Variants in ANGPTL1 observed in about 807,000 individuals in gnomAD.
The protein encoded by ANGPTL1 is angiopoietin like 1, also known as angiopoietin-related protein 1.
Under a neutral mutation model 46.7 loss-of-function variants are expected in ANGPTL1, and 36 were observed. The observed-to-expected ratio is 0.77, with a 90% confidence interval of 0.59 to 1.02. The LOEUF is 1.02. Among genes scored for constraint, ANGPTL1 ranks in the 50% least tolerant of loss-of-function variants. The probability of loss-of-function intolerance (pLI) is 0.00; values close to 1 mark genes in which losing one functional copy is unlikely to be tolerated. For missense variants in ANGPTL1, 571 were observed against 594.7 expected (o/e 0.96, Z 0.41); for synonymous variants, 221 against 204.3 (o/e 1.08, Z -0.69).
Position 178,861,260 on chromosome 1 carries a change from A to C in ANGPTL1, c.823+3694T>G, listed in dbSNP as rs78038423. On this transcript the variant is annotated intron_variant, in intron 3 of 5. Coordinates refer to ENST00000234816, the MANE Select transcript of ANGPTL1 (RefSeq NM_004673.4). ...GAGATCCACATTTATAGAATAAAAT[A>C]AGTAAAAAGTTAATGTTTACATAAA... 3.1e-3 allele frequency among the ~76,000 whole-genome samples: 467 copies of C among 152,346 alleles called. 4 individuals carry two copies. The highest frequency in any genetic ancestry group is 0.01 in the African/African-American group (433 of 41,584).
intron 3 of ANGPTL1, among the ~76,000 whole-genome samples, chr1:178,859,688 C>T (rs1657831797): frequency 7.2e-6 from 1 of 138,898 alleles, no homozygotes; most frequent in Non-Finnish European, 1.5e-5. Flanking sequence ...ACATCATACA[C>T]GAAGCACTTT....
At chr1:178,853,816 CA>C (rs1252824253) in intron 3 of ANGPTL1, 29 bp from the exon 4 acceptor site, 1 of 1,506,668 alleles carries the variant, frequency 6.6e-7, no homozygotes, top group Admixed American at 2.3e-5. Flanking sequence ...TTATTATCAG[CA>C]AACTTAATAT....
intron 3 of ANGPTL1, among the ~76,000 whole-genome samples, chr1:178,856,837 C>T (rs1345312499): frequency 6.6e-6 from 1 of 151,938 alleles, no homozygotes; most frequent in Admixed American, 6.6e-5. Flanking sequence ...TACTGAAAAA[C>T]CTCATGTTCT....
At chr1:178,856,202 G>GAGAGATATATATATATATATATATATAT (rs1428022812) in intron 3 of ANGPTL1, among the ~76,000 whole-genome samples, 4 of 83,906 alleles carry the variant, frequency 4.8e-5, no homozygotes, top group African/African-American at 2.6e-4. Flanking sequence ...GAGAGAGAGA[G>GAGAGATATATATATATATATATATATAT]ATATATATAT....
intron 3 of ANGPTL1, among the ~76,000 whole-genome samples, chr1:178,857,624 CAT>C (rs766027110): frequency 5.9e-5 from 9 of 152,082 alleles, no homozygotes; most frequent in Non-Finnish European, 1.3e-4. Context: ...TTTGTTACAA[CAT>C]ATATATATTT....
rs1241997372 is a variant in ANGPTL1 at position 178,865,069 on chromosome 1, A to G, written c.708T>C (p.Gly236=). ...SQQYTPGLLG[G]NEIQRDPGYP... ...AACCTGGATCCCTCTGAATCTCGTT[A>G]CCTCCCAGCAGACCAGGAGTATACT... Residue 236 remains glycine, a synonymous_variant, in exon 3 of 6, where the codon GGT becomes GGC. Coordinates refer to ENST00000234816, the MANE Select transcript of ANGPTL1 (RefSeq NM_004673.4). 1.3e-6 allele frequency: 2 copies of G among 1,516,130 alleles called. No homozygotes were observed. Among genetic ancestry groups the G allele is most frequent in the Non-Finnish European group, 1.8e-6 (2 of 1,132,578 alleles). The allele number at this position is 1,516,130 out of a possible 1,614,324, so 93.9% of individuals were successfully genotyped here.
Position 178,851,283 on chromosome 1 carries a change from C to T in ANGPTL1, c.1322G>A (p.Trp441Ter). The T allele has an allele frequency of 6.2e-7, 1 of 1,611,498 alleles. No individual in the cohort carries two copies. The highest frequency in any genetic ancestry group is 8.5e-7 in the Non-Finnish European group (1 of 1,179,180). Residue 441 changes from tryptophan (W) to a stop codon, truncating the protein, a stop_gained, in exon 6 of 6, where the codon TGG becomes TAG. Coordinates refer to ENST00000234816, the MANE Select transcript of ANGPTL1 (RefSeq NM_004673.4). LOFTEE classifies it high-confidence loss of function. ...NCAHFHKGGW[W>*]YNACAHSNLN... ...GTTAGAATGTGCACAGGCATTGTAC[C>T]ACCAGCCTCCTTTATGAAAGTGGGC...
chr1:178,856,057 A>G (rs1326802280), intron 3 of ANGPTL1, among the ~76,000 whole-genome samples: 1 of 149,356 alleles, frequency 6.7e-6, no homozygotes, highest in East Asian at 1.9e-4. Flanking sequence ...ATATTTTACT[A>G]GAAATATGTG....
intron 3 of ANGPTL1, among the ~76,000 whole-genome samples, chr1:178,861,167 T>C (rs1256500384): frequency 6.6e-6 from 1 of 152,226 alleles, no homozygotes; most frequent in African/African-American, 2.4e-5. Flanking sequence ...CTTTCCCTTA[T>C]ATGTTCATTA....
intron 3 of ANGPTL1, among the ~76,000 whole-genome samples, chr1:178,860,906 C>A (rs1337379305): frequency 6.6e-6 from 1 of 152,068 alleles, no homozygotes; most frequent in Non-Finnish European, 1.5e-5. Context: ...ACATTTTTTT[C>A]CAGACAGATG....
chr1:178,865,364 A>G lies in ANGPTL1; in HGVS notation c.413T>C (p.Leu138Ser). The G allele has an allele frequency of 6.2e-7, 1 of 1,614,156 alleles. No individual in the cohort carries two copies. Among genetic ancestry groups the G allele is most frequent in the South Asian group, 1.1e-5 (1 of 91,076 alleles). The change falls in exon 3 of 6, where the codon TTA becomes TCA. Residue 138 changes from leucine (L) to serine (S), a missense_variant. Physicochemically the swap from Leu to Ser is moderately radical, Grantham distance 145. Transcript: ENST00000234816. Reference sequence around the variant, plus strand: ...ATCCCTCTTACGGATAATCTCATGTAATAATTGCATATAGAGTTGAGTAAC... The same window carrying G: ...ATCCCTCTTACGGATAATCTCATGTGATAATTGCATATAGAGTTGAGTAAC... ...SRVTQLYMQL[L>S]HEIIRKRDNS...
rs777569034 is a variant in ANGPTL1, at chr1:178,853,735, C to G, written c.876G>C (p.Gly292=). The G allele has an allele frequency of 1.2e-6, 2 of 1,605,910 alleles. No homozygotes were observed. Among genetic ancestry groups the G allele is most frequent in the East Asian group, 4.5e-5 (2 of 44,296 alleles). ...QAKEAGHSVS[G]IYMIKPENSN... is the part of the protein sequence containing the mutation. ...TGTTTTCAGGTTTAATCATATAAAT[C>G]CCACTGACCGAATGCCCAGCTTCTT... is the stretch of plus-strand genomic sequence containing the variant. The change falls in exon 4 of 6, where the codon GGG becomes GGC. Residue 292 remains glycine (G), a synonymous_variant. Transcript: ENST00000234816.
In ANGPTL1 at chr1:178,857,932, G is replaced by T. The variant is rs186587165; in HGVS notation, c.824-4145C>A. 7.2e-5 allele frequency among the ~76,000 whole-genome samples: 11 copies of T among 152,234 alleles called. No individual in the cohort carries two copies. The East Asian group carries it at 2.1e-3, about 29-fold the overall frequency. On this transcript the variant is annotated intron_variant, in intron 3 of 5. Coordinates refer to ENST00000234816, the MANE Select transcript of ANGPTL1 (RefSeq NM_004673.4). ...TCAGATGTTTAAAGCAAAATAGAGA[G>T]TTCTGGTTTTCTGAATCCAGCTTTG...
intron 3 of ANGPTL1, among the ~76,000 whole-genome samples, chr1:178,861,530 A>G (rs1316467164): frequency 6.6e-6 from 1 of 152,052 alleles, no homozygotes; most frequent in African/African-American, 2.4e-5. Flanking sequence ...ATTTTCTTAG[A>G]AAAGTTTGTC....
At chr1:178,856,198 G>GATAGAT (rs1232946834) in intron 3 of ANGPTL1, among the ~76,000 whole-genome samples, 1 of 47,268 alleles carries the variant, frequency 2.1e-5, no homozygotes, top group African/African-American at 6.2e-5. Flanking sequence ...TCCAGAGAGA[G>GATAGAT]AGAGATATAT....
rs987518400 is a variant in ANGPTL1, at chr1:178,850,667, A to G, written c.*462T>C. The G allele has an allele frequency of 4.6e-5, 7 of 152,600 alleles. No individual in the cohort carries two copies. Among genetic ancestry groups the G allele is most frequent in the East Asian group, 1.9e-4 (1 of 5,192 alleles). 9.5% of individuals were successfully genotyped at this position (152,600 alleles called of 1,614,324 possible). A position where few individuals can be genotyped will look rare whatever the true frequency, so the allele number is the denominator to read the frequency against. On this transcript the variant is annotated 3_prime_UTR_variant, in exon 6 of 6. Coordinates refer to ENST00000234816, the MANE Select transcript of ANGPTL1 (RefSeq NM_004673.4). ...TTATTCAATGGAAGAAGCATTTTCTATTGGCAAAACTAGAGGTTTCTCCCT... is the reference window on the plus strand; with the variant it reads ...TTATTCAATGGAAGAAGCATTTTCTGTTGGCAAAACTAGAGGTTTCTCCCT...
chr1:178,863,602 T>C (rs1237907361), intron 3 of ANGPTL1, among the ~76,000 whole-genome samples: 1 of 152,132 alleles, frequency 6.6e-6, no homozygotes, highest in Non-Finnish European at 1.5e-5. Flanking sequence ...TGTGAGGTAA[T>C]GGTGAAATAT....
chr1:178,854,248 C>G (rs1657380564), intron 3 of ANGPTL1, among the ~76,000 whole-genome samples: 1 of 152,084 alleles, frequency 6.6e-6, no homozygotes, highest in Non-Finnish European at 1.5e-5. Flanking sequence ...AGGGATCGAT[C>G]TACTGGATCA....
Position 178,870,985 on chromosome 1 carries a change from TA to T in ANGPTL1, c.-382del, listed in dbSNP as rs1658722599. ...GAAGTTCTGGTCTGTGGGCCGTCTT[TA>T]ATCCAGCAGAGAAAGCGTTGTGGCT... On this transcript the variant is annotated 5_prime_UTR_variant, in exon 1 of 6. It introduces an in-frame stop codon into an upstream open reading frame of the 5' UTR. Transcript: ENST00000234816. 6.6e-6 allele frequency: 1 copy of T among 152,232 alleles called. No homozygotes were observed. The highest frequency in any genetic ancestry group is 1.5e-5 in the Non-Finnish European group (1 of 68,060). The allele number at this position is 152,232 out of a possible 1,614,324, so 9.4% of individuals were successfully genotyped here.
Sources: gnomAD v4.1 joint callset for allele counts (sites outside exome capture counted in the v4.1 genomes callset) on GRCh38, gnomAD v4.1.1 for gene constraint, MANE v1.5 for transcripts, NCBI Gene and HGNC (gene_info 2026-07-23, HGNC 2026-07-21) for gene names.